Variants in HIPK2 observed in about 807,000 individuals in gnomAD.
HIPK2 encodes the protein homeodomain interacting protein kinase 2, also known as homeodomain-interacting protein kinase 2.
A neutral mutation model predicts 113.7 loss-of-function variants in HIPK2; 27 were observed. The observed-to-expected ratio is 0.24, with a 90% confidence interval of 0.17 to 0.33. HIPK2 has a LOEUF of 0.33. Ranked by LOEUF, HIPK2 falls within the 10% of genes least tolerant of loss-of-function variation. HIPK2 has a pLI of 1.00. For missense variants in HIPK2, 1,257 were observed against 1,588.0 expected, an observed-to-expected ratio of 0.79 and a Z score of 3.54; for synonymous variants, 631 against 642.2, an observed-to-expected ratio of 0.98 and a Z score of 0.26.
intron 1 of HIPK2, among the ~76,000 whole-genome samples, chr7:139,726,886 C>T (rs1007181304): frequency 1.3e-5 from 2 of 152,170 alleles, no homozygotes; most frequent in African/African-American, 4.8e-5. Flanking sequence ...AAGGTTCATG[C>T]CCCAAAGGGA....
intron 1 of HIPK2, among the ~76,000 whole-genome samples, chr7:139,740,163 C>T (rs1300063098): frequency 6.6e-6 from 1 of 152,196 alleles, no homozygotes; most frequent in Non-Finnish European, 1.5e-5. Context: ...CCCAGAGGTC[C>T]CAGGCAAAGC....
rs143243583 is a variant in HIPK2 at position 139,723,338 on chromosome 7, C to T, written c.20-6323G>A. Among the ~76,000 whole-genome samples the T allele has an allele frequency of 3.1e-3, 479 of 152,068 alleles. 2 individuals are homozygous for T. Among genetic ancestry groups the T allele is most frequent in the African/African-American group, 0.011 (450 of 41,476 alleles). ...CCTCCCAAGTAGCTGGGATTATAGA[C>T]GTGCGCCACCACGCCCAGCTAATAT... On this transcript the variant is annotated intron_variant, in intron 1 of 14. Coordinates refer to ENST00000406875, the MANE Select transcript of HIPK2 (RefSeq NM_022740.5).
chr7:139,749,446 G>C (rs1796243093), intron 1 of HIPK2, among the ~76,000 whole-genome samples: 1 of 152,040 alleles, frequency 6.6e-6, no homozygotes, highest in Non-Finnish European at 1.5e-5. Context: ...ACACTTAATA[G>C]ATAAAAGATC....
rs190479400 is a variant in HIPK2 at position 139,568,927 on chromosome 7, C to T, written c.*4000G>A. 2,231 of 136,270 alleles carry T rather than the reference C, an allele frequency of 0.016. 51 individuals carry two copies. Among genetic ancestry groups the T allele is most frequent in the African/African-American group, 0.056 (2,124 of 37,956 alleles). 8.4% of individuals were successfully genotyped at this position (136,270 alleles called of 1,614,324 possible). Reference sequence around the variant, plus strand: ...GGGGCTGGCATCGCCCAATACTTCCCTTCCCTTCCCTTCGGTGAAGCTGGC... The same window carrying T: ...GGGGCTGGCATCGCCCAATACTTCCTTTCCCTTCCCTTCGGTGAAGCTGGC... On this transcript the variant is annotated 3_prime_UTR_variant, in exon 15 of 15. Coordinates refer to ENST00000406875, the MANE Select transcript of HIPK2 (RefSeq NM_022740.5).
At chr7:139,718,491 T>C (rs1021151251) in intron 1 of HIPK2, among the ~76,000 whole-genome samples, 5 of 152,226 alleles carry the variant, frequency 3.3e-5, no homozygotes, top group African/African-American at 9.6e-5. Context: ...TCCTTCTTCA[T>C]TTCAGAACAT....
chr7:139,611,873 T>C (rs961467341), intron 9 of HIPK2, among the ~76,000 whole-genome samples: 4 of 152,198 alleles, frequency 2.6e-5, no homozygotes, highest in Admixed American at 1.3e-4. Flanking sequence ...TGTTATACCA[T>C]GTTCATGGAT....
At chr7:139,674,374 G>A (rs967677324) in intron 2 of HIPK2, among the ~76,000 whole-genome samples, 4 of 152,168 alleles carry the variant, frequency 2.6e-5, no homozygotes, top group African/African-American at 4.8e-5. Flanking sequence ...ATGCTAAGCC[G>A]TATGGTATTG....
At chr7:139,774,503 T>C (rs1487018559) in intron 1 of HIPK2, among the ~76,000 whole-genome samples, 2 of 152,240 alleles carry the variant, frequency 1.3e-5, no homozygotes, top group East Asian at 1.9e-4. Flanking sequence ...TTTTAGGGCA[T>C]GTGTCATCAA....
rs1798060435 is a variant in HIPK2 at position 139,565,364 on chromosome 7, C to G, written c.*7563G>C. On this transcript the variant is annotated 3_prime_UTR_variant, in exon 15 of 15. Transcript: ENST00000406875. ...CTACCTAAGAATTTAGGCAAACAAG[C>G]CTGGAGCCAGTCAACAAAGAAGGTT... 1 of 152,048 alleles carries G rather than the reference C, an allele frequency of 6.6e-6. No homozygotes were observed. Among genetic ancestry groups the G allele is most frequent in the Non-Finnish European group, 1.5e-5 (1 of 68,038 alleles). 9.4% of individuals were successfully genotyped at this position (152,048 alleles called of 1,614,324 possible). A position where few individuals can be genotyped will look rare whatever the true frequency, so the allele number is the denominator to read the frequency against.
At chr7:139,696,654 A>AC (rs1794576817) in intron 2 of HIPK2, among the ~76,000 whole-genome samples, 2 of 152,178 alleles carry the variant, frequency 1.3e-5, no homozygotes, top group African/African-American at 4.8e-5. Context: ...ATAAAACAAA[A>AC]CCAAACCCAG....
chr7:139,741,707 A>G (rs1796102466), intron 1 of HIPK2, among the ~76,000 whole-genome samples: 1 of 152,020 alleles, frequency 6.6e-6, no homozygotes, highest in Non-Finnish European at 1.5e-5. Flanking sequence ...CTGAATTTTC[A>G]CAGGTAACTC....
At chr7:139,588,744 G>A (rs1798920270) in intron 12 of HIPK2, among the ~76,000 whole-genome samples, 1 of 152,118 alleles carries the variant, frequency 6.6e-6, no homozygotes, top group African/African-American at 2.4e-5. Flanking sequence ...GAAACCTGCA[G>A]CTGTCTTCTG....
chr7:139,684,433 A>G (rs2116731734), intron 2 of HIPK2, among the ~76,000 whole-genome samples: 1 of 152,336 alleles, frequency 6.6e-6, no homozygotes, highest in African/African-American at 2.4e-5. Flanking sequence ...AAGCTGACAC[A>G]GGGCTGGTTG....
chr7:139,723,287 G>C (rs550493875), intron 1 of HIPK2, among the ~76,000 whole-genome samples: 1 of 149,606 alleles, frequency 6.7e-6, no homozygotes, highest in African/African-American at 2.5e-5. Context: ...TCTGCCTCTC[G>C]AGTTCAAGCG....
At chr7:139,730,400 G>A (rs1443297974) in intron 1 of HIPK2, among the ~76,000 whole-genome samples, 3 of 149,944 alleles carry the variant, frequency 2.0e-5, no homozygotes, top group East Asian at 2.0e-4. Context: ...TCACTCTGTC[G>A]CCCAGGCTGG....
Position 139,626,792 on chromosome 7 carries a change from G to A in HIPK2, c.1435-7C>T, listed in dbSNP as rs930019038. 4 of 1,613,720 alleles carry A rather than the reference G, an allele frequency of 2.5e-6. No individual in the cohort carries two copies. The highest frequency in any genetic ancestry group is 1.3e-5 in the African/African-American group (1 of 74,886). ...AATCTGTCGTCATGTTCACCTGGAC[G>A]CAAGTAAGGACAGGTTACCAAGGAA... is the stretch of plus-strand genomic sequence containing the variant. On this transcript the variant is annotated splice_region_variant and splice_polypyrimidine_tract_variant and intron_variant, in intron 5 of 14. Coordinates refer to ENST00000406875, the MANE Select transcript of HIPK2 (RefSeq NM_022740.5).
At position 139,721,201 on chromosome 7, in the gene HIPK2, C is replaced by T. The variant is rs1000498621; in HGVS notation, c.20-4186G>A. 2.6e-5 allele frequency among the ~76,000 whole-genome samples: 4 copies of T among 152,290 alleles called. No individual in the cohort carries two copies. In the East Asian group the frequency reaches 7.7e-4, roughly 29 times the overall value. On this transcript the variant is annotated intron_variant, in intron 1 of 14. Transcript: ENST00000406875. ...GTTACCTTTGTTCTGTAGCAGAGGC[C>T]ACTTTGCTTCAGGCAGCAAAATGCT...
At chr7:139,577,918 T>C (rs1731546274) in intron 13 of HIPK2, among the ~76,000 whole-genome samples, 1 of 152,150 alleles carries the variant, frequency 6.6e-6, no homozygotes, top group Non-Finnish European at 1.5e-5. Context: ...TGGTGTGATC[T>C]TGGCTCACTG....
rs1369353494 is a variant in HIPK2, at chr7:139,565,720, T to C, written c.*7207A>G. On this transcript the variant is annotated 3_prime_UTR_variant, in exon 15 of 15. Coordinates refer to ENST00000406875, the MANE Select transcript of HIPK2 (RefSeq NM_022740.5). The stretch of plus-strand genomic sequence containing the variant: ...CCTCTACTTCTTTTTTTTTTTCTTT[T>C]TTTTTTCTTTTTTTTAACAGAAAGA... The C allele has an allele frequency of 6.6e-6, 1 of 151,524 alleles. No homozygotes were observed. The highest frequency in any genetic ancestry group is 6.6e-5 in the Admixed American group (1 of 15,248). The allele number at this position is 151,524 out of a possible 1,614,324, so 9.4% of individuals were successfully genotyped here. A position where few individuals can be genotyped will look rare whatever the true frequency, so the allele number is the denominator to read the frequency against.
Sources: allele counts gnomAD v4.1 joint callset (sites outside exome capture counted in the v4.1 genomes callset), GRCh38; gene constraint gnomAD v4.1.1; transcripts MANE v1.5; gene names NCBI Gene and HGNC (gene_info 2026-07-23, HGNC 2026-07-21).